Variants in B4GALT5 observed in about 807,000 individuals in gnomAD.
B4GALT5 encodes the protein UDP-Gal:beta-GlcNAc beta-1,4-galactosyltransferase 5.
B4GALT5 carries 11 observed loss-of-function variants against 45.0 expected under a neutral mutation model. That is an observed-to-expected ratio of 0.24 (90% CI 0.15 to 0.40). The LOEUF is 0.40. B4GALT5 is among the 10% of genes least tolerant of loss of function. The pLI, the probability that B4GALT5 is intolerant of heterozygous loss-of-function variation, is 1.00. For synonymous variants in B4GALT5, 185 were observed against 182.9 expected (o/e 1.01, Z -0.09); for missense variants, 337 against 500.2 (o/e 0.67, Z 3.11).
At position 49,713,595 on chromosome 20, in the gene B4GALT5, G is replaced by C. The variant is rs373396789; in HGVS notation, c.96C>G (p.Val32=). The change falls in exon 1 of 9, where the codon GTC becomes GTG. Residue 32 remains valine (V), a synonymous_variant. Transcript: ENST00000371711. ...TCCTACCTATGCCGGGCGCCACATA[G>C]ACGAAGTACAGCAGCGAGGACGAGA... ...FSLSSSLLYF[V]YVAPGIVNTY... 17 of 1,590,202 alleles carry C rather than the reference G, an allele frequency of 1.1e-5. No homozygotes were observed. The highest frequency in any genetic ancestry group is 1.8e-5 in the Admixed American group (1 of 55,722).
intron 1 of B4GALT5, among the ~76,000 whole-genome samples, chr20:49,710,138 G>C (rs2085901542): frequency 6.6e-6 from 1 of 152,164 alleles, no homozygotes; most frequent in Non-Finnish European, 1.5e-5. Flanking sequence ...TACTATTTCT[G>C]AATCTCTTGG....
chr20:49,694,425 G>T (rs1481873318), intron 1 of B4GALT5, among the ~76,000 whole-genome samples: 1 of 152,110 alleles, frequency 6.6e-6, no homozygotes, highest in Non-Finnish European at 1.5e-5. Context: ...GGCGAGGTGG[G>T]AAGGTCACTT....
intron 1 of B4GALT5, among the ~76,000 whole-genome samples, chr20:49,665,433 G>GGTA (rs1185188392): frequency 0.012 from 527 of 43,110 alleles, 6 homozygotes; most frequent in Admixed American, 0.018. Context: ...GGGGTGGGGG[G>GGTA]GTAGTAGTAA....
At chr20:49,650,938 T>G (rs2085620034) in intron 2 of B4GALT5, among the ~76,000 whole-genome samples, 1 of 152,172 alleles carries the variant, frequency 6.6e-6, no homozygotes, top group African/African-American at 2.4e-5. Flanking sequence ...AATTTAAATC[T>G]AATCTATTTC....
rs1035751680 is a variant in B4GALT5 at position 49,694,475 on chromosome 20, G to C, written c.115+19101C>G. 3.3e-5 allele frequency among the ~76,000 whole-genome samples: 5 copies of C among 151,920 alleles called. No individual in the cohort carries two copies. The South Asian group carries it at 1.0e-3, about 32-fold the overall frequency. ...GAGACCAGCCTAAGCAACACAGGGAGACCTAGTCCCTACAAAAAAATTTTT... is the reference window on the plus strand; with the variant it reads ...GAGACCAGCCTAAGCAACACAGGGACACCTAGTCCCTACAAAAAAATTTTT... On this transcript the variant is annotated intron_variant, in intron 1 of 8. Transcript: ENST00000371711.
At chr20:49,686,627 C>G (rs940973023) in intron 1 of B4GALT5, among the ~76,000 whole-genome samples, 2 of 149,486 alleles carry the variant, frequency 1.3e-5, no homozygotes. Context: ...TGGCTCATGC[C>G]TGTAACCTCA....
At chr20:49,712,748 A>G (rs929186636) in intron 1 of B4GALT5, among the ~76,000 whole-genome samples, 1 of 138,314 alleles carries the variant, frequency 7.2e-6, no homozygotes, top group South Asian at 2.4e-4. Context: ...CCCCTTCCCC[A>G]GGTCTTCAGT....
In B4GALT5 at chr20:49,658,799, G is replaced by A. The variant is rs1388889498; in HGVS notation, c.116-2097C>T. ...ATGAATGTGCACTTGTAACAAGCTC[G>A]CAGGTGATAAATGGTGCTGGACTAA... On this transcript the variant is annotated intron_variant, in intron 1 of 8. Coordinates refer to ENST00000371711, the MANE Select transcript of B4GALT5 (RefSeq NM_004776.4). 6.6e-5 allele frequency among the ~76,000 whole-genome samples: 10 copies of A among 152,166 alleles called. 1 individual carries two copies. The highest frequency in any genetic ancestry group is 4.1e-4 in the South Asian group (2 of 4,828).
chr20:49,662,924 T>C (rs2085671002), intron 1 of B4GALT5, among the ~76,000 whole-genome samples: 1 of 152,114 alleles, frequency 6.6e-6, no homozygotes, highest in Admixed American at 6.5e-5. Context: ...CATGAGACCA[T>C]AAAAAAGAAT....
intron 1 of B4GALT5, among the ~76,000 whole-genome samples, chr20:49,692,908 C>T (rs564562098): frequency 1.2e-4 from 18 of 152,308 alleles, no homozygotes; most frequent in South Asian, 6.2e-4. Flanking sequence ...TTTCAGTCAA[C>T]GACTAGCTGC....
chr20:49,701,965 G>A (rs973214999), intron 1 of B4GALT5, among the ~76,000 whole-genome samples: 3 of 152,062 alleles, frequency 2.0e-5, no homozygotes, highest in Non-Finnish European at 4.4e-5. Context: ...CTCAGGAGGC[G>A]GAGACAGGAG....
At chr20:49,657,291 C>T (rs993335007) in intron 1 of B4GALT5, among the ~76,000 whole-genome samples, 2 of 152,146 alleles carry the variant, frequency 1.3e-5, no homozygotes, top group East Asian at 3.8e-4. Flanking sequence ...TCCACCCATC[C>T]CAGCCCAAAA....
Position 49,713,667 on chromosome 20 carries a change from C to A in B4GALT5, c.24G>T (p.Leu8=). 1 of 1,538,582 alleles carries A rather than the reference C, an allele frequency of 6.5e-7. No individual in the cohort carries two copies. The part of the protein sequence containing the change: MRARRGL[L]RLPRRSLLAA... ...CGAGCAGCGAGCGGCGCGGCAGCCGCAGCAGCCCCCGGCGGGCGCGCATGC... is the reference window on the plus strand; with the variant it reads ...CGAGCAGCGAGCGGCGCGGCAGCCGAAGCAGCCCCCGGCGGGCGCGCATGC... Residue 8 remains leucine (L), a synonymous_variant, in exon 1 of 9, where the codon CTG becomes CTT. Coordinates refer to ENST00000371711, the MANE Select transcript of B4GALT5 (RefSeq NM_004776.4).
At chr20:49,681,608 A>C (rs1207649646) in intron 1 of B4GALT5, among the ~76,000 whole-genome samples, 1 of 152,186 alleles carries the variant, frequency 6.6e-6, no homozygotes, top group East Asian at 1.9e-4. Context: ...CAGAAGCCTA[A>C]CAGTTACCTC....
At chr20:49,699,338 G>C (rs1230376362) in intron 1 of B4GALT5, among the ~76,000 whole-genome samples, 3 of 130,046 alleles carry the variant, frequency 2.3e-5, no homozygotes, top group Non-Finnish European at 4.8e-5. Flanking sequence ...AACTTAAAAG[G>C]TTAAAACCCA....
intron 5 of B4GALT5, among the ~76,000 whole-genome samples, chr20:49,641,600 G>A (rs2085577199): frequency 6.6e-6 from 1 of 152,134 alleles, no homozygotes; most frequent in Non-Finnish European, 1.5e-5. Context: ...GCCCAGCCTT[G>A]CTGAACAGTG....
intron 1 of B4GALT5, among the ~76,000 whole-genome samples, 167 bp downstream of exon 1, chr20:49,713,409 G>A (rs531769966): frequency 3.2e-4 from 48 of 151,884 alleles, no homozygotes; most frequent in African/African-American, 1.0e-3. Flanking sequence ...GGGTGCGGAG[G>A]GCAGGAATGT....
chr20:49,665,643 A>G (rs1275079684), intron 1 of B4GALT5, among the ~76,000 whole-genome samples: 1 of 150,476 alleles, frequency 6.6e-6, no homozygotes, highest in East Asian at 1.9e-4. Context: ...CCTATACTCT[A>G]AAGATAAAGA....
At chr20:49,682,584 C>T (rs1283426882) in intron 1 of B4GALT5, among the ~76,000 whole-genome samples, 2 of 152,110 alleles carry the variant, frequency 1.3e-5, no homozygotes, top group Non-Finnish European at 2.9e-5. Context: ...CTCCTGAATA[C>T]CTCACTTCAG....
Sources: allele counts gnomAD v4.1 joint callset (sites outside exome capture counted in the v4.1 genomes callset), GRCh38; gene constraint gnomAD v4.1.1; transcripts MANE v1.5; gene names NCBI Gene and HGNC (gene_info 2026-07-23, HGNC 2026-07-21).